Variants in ZBTB16 observed in about 807,000 individuals in gnomAD.
ZBTB16 encodes the protein zinc finger and BTB domain-containing protein 16.
Under a neutral mutation model 56.8 loss-of-function variants are expected in ZBTB16, and 8 were observed. The ratio of observed to expected loss-of-function variants is 0.14; its 90% CI spans 0.08 to 0.25. ZBTB16 has a LOEUF of 0.25. Ranked by LOEUF, ZBTB16 falls within the 10% of genes least tolerant of loss-of-function variation. The probability of loss-of-function intolerance (pLI) is 1.00; values close to 1 mark genes in which losing one functional copy is unlikely to be tolerated. For missense variants in ZBTB16, 625 were observed against 903.0 expected (o/e 0.69, Z 3.95); for synonymous variants, 363 against 368.5 (o/e 0.98, Z 0.17).
intron 4 of ZBTB16, among the ~76,000 whole-genome samples, chr11:114,212,212 T>C (rs1463332012): frequency 6.6e-6 from 1 of 152,184 alleles, no homozygotes; most frequent in African/African-American, 2.4e-5. Flanking sequence ...CTTTAAATTC[T>C]AAAGAACTTT....
intron 4 of ZBTB16, among the ~76,000 whole-genome samples, chr11:114,239,273 C>T (rs960645331): frequency 1.1e-4 from 16 of 152,122 alleles, no homozygotes; most frequent in African/African-American, 3.6e-4. Flanking sequence ...CCTTCCATGC[C>T]GGGGATCTCA....
chr11:114,182,390 A>AT (rs1565672320), intron 3 of ZBTB16, among the ~76,000 whole-genome samples: 11 of 151,704 alleles, frequency 7.3e-5, no homozygotes, highest in African/African-American at 2.7e-4. Flanking sequence ...ACTTATCACC[A>AT]CCTGGCCTGT....
chr11:114,164,730 A>G (rs150857674), intron 3 of ZBTB16, among the ~76,000 whole-genome samples: 3 of 152,106 alleles, frequency 2.0e-5, no homozygotes, highest in East Asian at 1.9e-4. Flanking sequence ...GGGCCTGGGT[A>G]TCTGTATCCA....
In ZBTB16 at chr11:114,063,908, T is replaced by C. The variant is rs1406037075; in HGVS notation, c.608T>C (p.Val203Ala). Residue 203 changes from valine to alanine, a missense_variant, in exon 2 of 7, where the codon GTG becomes GCG. Val to Ala is a moderately conservative substitution (Grantham distance 64). Around this residue, in one of 6 missense-constraint regions of ZBTB16, gnomAD observed 384 missense variants for 393.5 expected, o/e 0.98. Transcript: ENST00000335953. The surrounding 1 kb of genome is among the most constrained non-coding windows in gnomAD (Gnocchi z 6.5). Reference protein sequence around the residue: ...LSAMSPTKAAVDSLMTIGQSL... With the variant: ...LSAMSPTKAAADSLMTIGQSL... Reference sequence around the variant, plus strand: ...GCCATGAGTCCCACCAAGGCTGCAGTGGACAGTTTGATGACCATAGGACAG... The same window carrying C: ...GCCATGAGTCCCACCAAGGCTGCAGCGGACAGTTTGATGACCATAGGACAG... The C allele has an allele frequency of 4.3e-6, 7 of 1,613,832 alleles. No homozygotes were observed. Among genetic ancestry groups the C allele is most frequent in the Non-Finnish European group, 5.9e-6 (7 of 1,180,014 alleles).
At chr11:114,212,304 G>C (rs892245195) in intron 4 of ZBTB16, among the ~76,000 whole-genome samples, 10 of 152,102 alleles carry the variant, frequency 6.6e-5, no homozygotes, top group Non-Finnish European at 1.2e-4. Context: ...GAAGCTGGGA[G>C]TGACTTTGAA....
chr11:114,107,820 A>G (rs1193337633), intron 2 of ZBTB16, among the ~76,000 whole-genome samples: 1 of 152,096 alleles, frequency 6.6e-6, no homozygotes, highest in African/African-American at 2.4e-5. Context: ...ATTGGAGATG[A>G]TGTGCAGTCT....
chr11:114,120,896 T>C (rs533680957), intron 2 of ZBTB16, among the ~76,000 whole-genome samples: 1 of 152,334 alleles, frequency 6.6e-6, no homozygotes, highest in South Asian at 2.1e-4. Flanking sequence ...CCTTTTGGAC[T>C]CTGTGTTCCC....
Position 114,127,750 on chromosome 11 carries a change from G to C in ZBTB16, c.1269-28587G>C, listed in dbSNP as rs564638561. Among the ~76,000 whole-genome samples, 3 of 152,300 alleles carry C rather than the reference G, an allele frequency of 2.0e-5. No homozygotes were observed. In the South Asian group the frequency reaches 6.2e-4, roughly 32 times the overall value. On this transcript the variant is annotated intron_variant, in intron 2 of 6. Transcript: ENST00000335953. Reference sequence around the variant, plus strand: ...GCCTACTGCATTGCTGGTGAAGCCTGAATCTTCCATCCACTGTTAGCACAT... The same window carrying C: ...GCCTACTGCATTGCTGGTGAAGCCTCAATCTTCCATCCACTGTTAGCACAT...
intron 4 of ZBTB16, among the ~76,000 whole-genome samples, chr11:114,202,187 C>T (rs1943751297): frequency 6.6e-6 from 1 of 152,170 alleles, no homozygotes; most frequent in South Asian, 2.1e-4. Flanking sequence ...CTTTTTCTTA[C>T]ACCGACATAA....
intron 4 of ZBTB16, among the ~76,000 whole-genome samples, chr11:114,225,728 C>A (rs1944316465): frequency 1.3e-5 from 2 of 152,186 alleles, no homozygotes; most frequent in African/African-American, 4.8e-5. Flanking sequence ...CACATTTAAA[C>A]CATAGAAGTA....
chr11:114,251,166 G>C lies in ZBTB16; in HGVS notation c.*611G>C, dbSNP rs897808533. Among the ~76,000 whole-genome samples the C allele has an allele frequency of 6.6e-6, 1 of 151,934 alleles. No individual in the cohort carries two copies. The highest frequency in any genetic ancestry group is 1.5e-5 in the Non-Finnish European group (1 of 67,966). ...ATCTGGGTGTCCCCCGGTGGTCTCTGAGAGCCTCAGGACCCCTGCCCCTCC... is the reference window on the plus strand; with the variant it reads ...ATCTGGGTGTCCCCCGGTGGTCTCTCAGAGCCTCAGGACCCCTGCCCCTCC... On this transcript the variant is annotated 3_prime_UTR_variant, in exon 7 of 7. Coordinates refer to ENST00000335953, the MANE Select transcript of ZBTB16 (RefSeq NM_006006.6).
chr11:114,121,791 C>T (rs1261708469), intron 2 of ZBTB16: 2 of 455,560 alleles, frequency 4.4e-6, no homozygotes, highest in Non-Finnish European at 8.8e-6. Flanking sequence ...CAGACATTTC[C>T]AAATTCTGAG....
At chr11:114,090,449 G>C (rs756639309) in intron 2 of ZBTB16, among the ~76,000 whole-genome samples, 2 of 152,190 alleles carry the variant, frequency 1.3e-5, no homozygotes, top group African/African-American at 4.8e-5. Flanking sequence ...TGGCAAGCAG[G>C]GTAGGGATGC....
At chr11:114,090,426 G>T (rs1940142698) in intron 2 of ZBTB16, among the ~76,000 whole-genome samples, 1 of 152,250 alleles carries the variant, frequency 6.6e-6, no homozygotes, top group African/African-American at 2.4e-5. Flanking sequence ...CCAACTCCGG[G>T]AGGCTGCTGG....
intron 4 of ZBTB16, among the ~76,000 whole-genome samples, chr11:114,222,877 G>A (rs1944257341): frequency 6.6e-6 from 1 of 152,118 alleles, no homozygotes; most frequent in African/African-American, 2.4e-5. Flanking sequence ...GATTTGTGGG[G>A]GCCCATTGCT....
chr11:114,232,983 A>G (rs1215308892), intron 4 of ZBTB16, among the ~76,000 whole-genome samples: 1 of 151,972 alleles, frequency 6.6e-6, no homozygotes, highest in African/African-American at 2.4e-5. Flanking sequence ...TGAAAGTTAC[A>G]GACCAGAGGG....
At chr11:114,233,661 C>T (rs1944504088) in intron 4 of ZBTB16, among the ~76,000 whole-genome samples, 1 of 151,650 alleles carries the variant, frequency 6.6e-6, no homozygotes, top group Non-Finnish European at 1.5e-5. Flanking sequence ...TCTTGTCCCC[C>T]TCCCTCATTT....
At chr11:114,102,996 C>T (rs903016573) in intron 2 of ZBTB16, among the ~76,000 whole-genome samples, 1 of 152,212 alleles carries the variant, frequency 6.6e-6, no homozygotes, top group East Asian at 1.9e-4. Context: ...TTGTTCCTCT[C>T]GGCTGCTGGG....
At chr11:114,182,634 G>A (rs1001615295) in intron 3 of ZBTB16, among the ~76,000 whole-genome samples, 2 of 152,126 alleles carry the variant, frequency 1.3e-5, no homozygotes, top group Non-Finnish European at 2.9e-5. Context: ...AAATTTTGTG[G>A]GTGTAAATGC....
Sources: allele counts gnomAD v4.1 joint callset (sites outside exome capture counted in the v4.1 genomes callset), GRCh38; gene constraint gnomAD v4.1.1; regional missense constraint gnomAD v4.1.1; non-coding constraint Gnocchi (gnomAD v3.1); transcripts MANE v1.5; gene names NCBI Gene and HGNC (gene_info 2026-07-23, HGNC 2026-07-21).